PLEKHM2: variants seen among roughly 807,000 people sequenced by gnomAD.
PLEKHM2 encodes the protein pleckstrin homology and RUN domain containing M2, also known as pleckstrin homology domain-containing family M member 2.
Under a neutral mutation model 116.3 loss-of-function variants are expected in PLEKHM2, and 77 were observed. The observed-to-expected ratio is 0.66, with a 90% CI of 0.55 to 0.80. The LOEUF is 0.80. Ranked by LOEUF, PLEKHM2 falls within the 30% of genes least tolerant of loss-of-function variation. The pLI is 0.00. For missense variants in PLEKHM2, 1,183 were observed against 1,354.9 expected, an observed-to-expected ratio of 0.87 and a Z score of 1.99; for synonymous variants, 562 against 571.0, an observed-to-expected ratio of 0.98 and a Z score of 0.22.
chr1:15,691,614 C>G (rs1181929947), intron 1 of PLEKHM2, among the ~76,000 whole-genome samples: 1 of 152,194 alleles, frequency 6.6e-6, no homozygotes, highest in Admixed American at 6.6e-5. Context: ...CTATTTCTGG[C>G]CAGGCACACT....
In PLEKHM2 at chr1:15,733,909, G is replaced by A. The variant is rs533946132; in HGVS notation, c.3035G>A (p.Arg1012Gln). ...CGGAGCGACAGTCTCTGCCGCGGCC[G>A]AGCCTCCCGAGACCCCTGGTGCTGA... is the stretch of plus-strand genomic sequence containing the variant. ...WQRSDSLCRG[R>Q]ASRDPWC The change falls in exon 20 of 20, where the codon CGA becomes CAA. Residue 1012 changes from arginine to glutamine, a missense_variant. By Grantham distance (43) the Arg-to-Gln change is conservative. Transcript: ENST00000375799. 1.9e-4 allele frequency: 307 copies of A among 1,612,502 alleles called. No homozygotes were observed. The highest frequency in any genetic ancestry group is 2.4e-4 in the Non-Finnish European group (289 of 1,179,728).
Position 15,731,999 on chromosome 1 carries a change from C to T in PLEKHM2, c.2576C>T (p.Ala859Val), listed in dbSNP as rs1390978555. Residue 859 changes from alanine to valine, a missense_variant, in exon 17 of 20, where the codon GCC (alanine) becomes GTC (valine). Transcript: ENST00000375799. Reference protein sequence around the residue: ...PCLELSAESEAEMAEWMQHLC... With the variant: ...PCLELSAESEVEMAEWMQHLC... ...CTGGAGCTAAGTGCCGAGAGCGAGG[C>T]CGAGATGGCCGAGTGGATGCAGCAT... is the stretch of plus-strand genomic sequence containing the variant. 1 of 1,612,422 alleles carries T rather than the reference C, an allele frequency of 6.2e-7. No homozygotes were observed. The highest frequency in any genetic ancestry group is 8.5e-7 in the Non-Finnish European group (1 of 1,179,672).
At chr1:15,700,122 C>G (rs542026284) in intron 1 of PLEKHM2, among the ~76,000 whole-genome samples, 1 of 152,284 alleles carries the variant, frequency 6.6e-6, no homozygotes, top group East Asian at 1.9e-4. Context: ...AGGAGGGAAG[C>G]AACTGGGACA....
At chr1:15,699,340 C>A (rs915131103) in intron 1 of PLEKHM2, among the ~76,000 whole-genome samples, 3 of 152,106 alleles carry the variant, frequency 2.0e-5, no homozygotes, top group African/African-American at 7.2e-5. Context: ...TATGCCTCCC[C>A]CTGCCCCCCA....
rs1182797437 is a variant in PLEKHM2 at position 15,731,256 on chromosome 1, G to C, written c.2464G>C (p.Gly822Arg). The part of the protein sequence containing the change: ...DVIPLLSVNM[G>R]GEQCGGCRRA... ...CATCCCTCTGCTCTCGGTGAACATG[G>C]GGTAAGTGTCCCGGGAGAAGCGGGT... Residue 822 changes from glycine to arginine, a missense_variant and splice_region_variant, in exon 16 of 20, where the codon GGG becomes CGG. Gly to Arg is a moderately radical substitution (Grantham distance 125). Coordinates refer to ENST00000375799, the MANE Select transcript of PLEKHM2 (RefSeq NM_015164.4). The C allele has an allele frequency of 6.3e-7, 1 of 1,584,486 alleles. No homozygotes were observed. The highest frequency in any genetic ancestry group is 1.8e-5 in the Admixed American group (1 of 56,394).
chr1:15,733,905 G>A lies in PLEKHM2; in HGVS notation c.3031G>A (p.Gly1011Ser), dbSNP rs775573162. 31 of 1,612,618 alleles carry A rather than the reference G, an allele frequency of 1.9e-5. 1 individual carries two copies. The Middle Eastern group carries it at 8.2e-4, about 43-fold the overall frequency. ...AWQRSDSLCR[G>S]RASRDPWC The stretch of plus-strand genomic sequence containing the variant: ...GCAGCGGAGCGACAGTCTCTGCCGC[G>A]GCCGAGCCTCCCGAGACCCCTGGTG... The change falls in exon 20 of 20, where the codon GGC (glycine) becomes AGC (serine). Residue 1011 changes from glycine (G) to serine (S), a missense_variant. Gly to Ser is a moderately conservative substitution (Grantham distance 56). Coordinates refer to ENST00000375799, the MANE Select transcript of PLEKHM2 (RefSeq NM_015164.4).
chr1:15,719,052 A>G lies in PLEKHM2; in HGVS notation c.465+427A>G, dbSNP rs1344293243. On this transcript the variant is annotated intron_variant, in intron 5 of 19. Transcript: ENST00000375799. The surrounding 1 kb of genome is among the most constrained non-coding windows in gnomAD (Gnocchi z 4.1). ...AAGTTCTCAAGTTTCTCTCCCCATCACACCCTGTACAAATGGGATGCTGGC... is the reference window on the plus strand; with the variant it reads ...AAGTTCTCAAGTTTCTCTCCCCATCGCACCCTGTACAAATGGGATGCTGGC... Among the ~76,000 whole-genome samples, 2 of 152,120 alleles carry G rather than the reference A, an allele frequency of 1.3e-5. No individual in the cohort carries two copies. Among genetic ancestry groups the G allele is most frequent in the African/African-American group, 4.8e-5 (2 of 41,426 alleles).
chr1:15,702,878 G>A (rs1159478355), intron 1 of PLEKHM2, among the ~76,000 whole-genome samples: 3 of 150,796 alleles, frequency 2.0e-5, no homozygotes, highest in African/African-American at 4.9e-5. Flanking sequence ...GCACCACCAC[G>A]CCCAGCTAAC....
chr1:15,727,834 TAAC>T lies in PLEKHM2; in HGVS notation c.1760+5_1760+7del. ...GATGGTCCATTCCTCGGAGTTCAGG[TAAC>T]AAGACTCTGCAGCTGGCATGGGACT... On this transcript the variant is annotated splice_donor_5th_base_variant and intron_variant, in intron 9 of 19. Transcript: ENST00000375799. The surrounding 1 kb of genome is among the most constrained non-coding windows in gnomAD (Gnocchi z 7.5). 1 of 1,558,750 alleles carries T rather than the reference TAAC, an allele frequency of 6.4e-7. No individual in the cohort carries two copies. Among genetic ancestry groups the T allele is most frequent in the Non-Finnish European group, 8.7e-7 (1 of 1,150,000 alleles).
In PLEKHM2 at chr1:15,734,137, C is replaced by T; in HGVS notation, c.*203C>T. On this transcript the variant is annotated 3_prime_UTR_variant, in exon 20 of 20. Coordinates refer to ENST00000375799, the MANE Select transcript of PLEKHM2 (RefSeq NM_015164.4). ...GCCCGGCACCCCTGGGCATCCTGCC[C>T]GACAGGTAGCGAATGGAGGTCGCTG... 1.7e-6 allele frequency: 1 copy of T among 594,872 alleles called. No individual in the cohort carries two copies. The allele number at this position is 594,872 out of a possible 1,614,324, so 36.8% of individuals were successfully genotyped here. A position where few individuals can be genotyped will look rare whatever the true frequency, so the allele number is the denominator to read the frequency against.
At position 15,728,027 on chromosome 1, in the gene PLEKHM2, T is replaced by C; in HGVS notation, c.1761-52T>C. 2.0e-6 allele frequency: 3 copies of C among 1,471,840 alleles called. No individual in the cohort carries two copies. Among genetic ancestry groups the C allele is most frequent in the South Asian group, 1.2e-5 (1 of 84,152 alleles). The allele number at this position is 1,471,840 out of a possible 1,614,324, so 91.2% of individuals were successfully genotyped here. On this transcript the variant is annotated intron_variant, in intron 9 of 19. Transcript: ENST00000375799. This position sits in a 1 kb window ranked among gnomAD's most constrained non-coding sequence, Gnocchi z 5.9. ...CCTGGCTCTGGGGTGGGGTGTGGCCTCTCTCACCGCTGCCTGCCTGACATC... is the reference window on the plus strand; with the variant it reads ...CCTGGCTCTGGGGTGGGGTGTGGCCCCTCTCACCGCTGCCTGCCTGACATC...
chr1:15,692,868 T>C lies in PLEKHM2; in HGVS notation c.60+8250T>C, dbSNP rs1333100284. On this transcript the variant is annotated intron_variant, in intron 1 of 19. Coordinates refer to ENST00000375799, the MANE Select transcript of PLEKHM2 (RefSeq NM_015164.4). ...GATTCTCCTGCCTCAGCCTCCCAAGTAGCTGGGATTATAGGCATGCACCAC... is the reference window on the plus strand; with the variant it reads ...GATTCTCCTGCCTCAGCCTCCCAAGCAGCTGGGATTATAGGCATGCACCAC... Among the ~76,000 whole-genome samples the C allele has an allele frequency of 4.6e-5, 7 of 151,842 alleles. No individual in the cohort carries two copies. The East Asian group carries it at 1.4e-3, about 29-fold the overall frequency.
In PLEKHM2 at chr1:15,719,827, C is replaced by T. The variant is rs772487526; in HGVS notation, c.559C>T (p.His187Tyr). ...DFEDRLPSSV[H>Y]GSDSLSLNSF... The stretch of plus-strand genomic sequence containing the variant: ...TGAAGACCGCCTTCCCAGCTCGGTC[C>T]ACGGCTCAGACAGTCTGTCCCTCAA... Residue 187 changes from histidine (H) to tyrosine (Y), a missense_variant, in exon 6 of 20, where the codon CAC (histidine) becomes TAC (tyrosine). His to Tyr is a moderately conservative substitution (Grantham distance 83). Around this residue, in one of 3 missense-constraint regions of PLEKHM2, gnomAD observed 217 missense variants for 277.6 expected, o/e 0.78. Transcript: ENST00000375799. The surrounding 1 kb of genome is among the most constrained non-coding windows in gnomAD (Gnocchi z 4.1). 2 of 1,613,828 alleles carry T rather than the reference C, an allele frequency of 1.2e-6. No homozygotes were observed. Among genetic ancestry groups the T allele is most frequent in the Middle Eastern group, 1.6e-4 (1 of 6,062 alleles).
At chr1:15,692,734 TG>T (rs1370012384) in intron 1 of PLEKHM2, among the ~76,000 whole-genome samples, 1 of 151,572 alleles carries the variant, frequency 6.6e-6, no homozygotes, top group African/African-American at 2.4e-5. Context: ...ACTGTGTCCA[TG>T]CCCCATTCAC....
At chr1:15,725,673 C>T in intron 8 of PLEKHM2, 128 bp downstream of exon 8, 1 of 660,242 alleles carries the variant, frequency 1.5e-6, no homozygotes, top group South Asian at 1.9e-5. Context: ...TCCTGGAAAC[C>T]CTTCCCACCT....
At chr1:15,687,340 A>G (rs1393701410) in intron 1 of PLEKHM2, among the ~76,000 whole-genome samples, 4 of 151,024 alleles carry the variant, frequency 2.6e-5, no homozygotes, top group Non-Finnish European at 5.9e-5. Flanking sequence ...TGCCCGGCTA[A>G]TTTTTTTGTA....
chr1:15,691,356 G>A (rs1047010523), intron 1 of PLEKHM2, among the ~76,000 whole-genome samples: 13 of 152,202 alleles, frequency 8.5e-5, no homozygotes, highest in African/African-American at 2.9e-4. Flanking sequence ...ACAGGCATGA[G>A]CCACTGCACT....
At chr1:15,703,452 G>A (rs1641158904) in intron 1 of PLEKHM2, among the ~76,000 whole-genome samples, 1 of 152,196 alleles carries the variant, frequency 6.6e-6, no homozygotes, top group Non-Finnish European at 1.5e-5. Flanking sequence ...AATCCAGATC[G>A]CCCCTCTTTT....
At position 15,716,300 on chromosome 1, in the gene PLEKHM2, C is replaced by G; in HGVS notation, c.124C>G (p.Leu42Val). The change falls in exon 2 of 20, where the codon CTA (leucine) becomes GTA (valine). Residue 42 changes from leucine to valine, a missense_variant. Transcript: ENST00000375799. ...TGCCATCCGGAACCATGACAAGGTC[C>G]TACAGCGTCTGTGTGAGCACCTGGA... Reference protein sequence around the residue: ...IPAIRNHDKVLQRLCEHLDHA... With the variant: ...IPAIRNHDKVVQRLCEHLDHA... 1 of 1,607,682 alleles carries G rather than the reference C, an allele frequency of 6.2e-7. No homozygotes were observed. The highest frequency in any genetic ancestry group is 8.5e-7 in the Non-Finnish European group (1 of 1,177,038).
Sources: allele counts gnomAD v4.1 joint callset (sites outside exome capture counted in the v4.1 genomes callset), GRCh38; gene constraint gnomAD v4.1.1; regional missense constraint gnomAD v4.1.1; non-coding constraint Gnocchi (gnomAD v3.1); transcripts MANE v1.5; gene names NCBI Gene and HGNC (gene_info 2026-07-23, HGNC 2026-07-21).